The following RAP2A variants were observed in gnomAD, a reference collection of about 807,000 sequenced individuals.
RAP2A encodes the protein ras-related protein Rap-2a.
Under a neutral mutation model 15.1 loss-of-function variants are expected in RAP2A, and 5 were observed. That is an observed-to-expected ratio of 0.33 (90% CI 0.17 to 0.70). RAP2A has a LOEUF of 0.70. Among genes scored for constraint, RAP2A ranks in the 30% least tolerant of loss-of-function variants. RAP2A has a pLI of 0.68. For synonymous variants in RAP2A, 110 were observed against 99.7 expected (o/e 1.10, Z -0.62); for missense variants, 111 against 240.3 (o/e 0.46, Z 3.56).
chr13:97,456,170 A>G (rs951747502), intron 1 of RAP2A, among the ~76,000 whole-genome samples: 5 of 152,064 alleles, frequency 3.3e-5, no homozygotes, highest in African/African-American at 1.2e-4. Context: ...CTCACGCTCA[A>G]AGGGCCCCCT....
At chr13:97,451,936 T>C (rs929517429) in intron 1 of RAP2A, among the ~76,000 whole-genome samples, 1 of 151,392 alleles carries the variant, frequency 6.6e-6, no homozygotes, top group African/African-American at 2.4e-5. Context: ...GTATTTTCTT[T>C]GGAGAAATAC....
rs1037354888 is a variant in RAP2A, at chr13:97,462,049, T to G, written c.315-2156T>G. Reference sequence around the variant, plus strand: ...TTATATATTTATATATATTTATATATATATTTATATATATATTTATATATT... The same window carrying G: ...TTATATATTTATATATATTTATATAGATATTTATATATATATTTATATATT... On this transcript the variant is annotated intron_variant, in intron 1 of 1. Transcript: ENST00000245304. Among the ~76,000 whole-genome samples the G allele has an allele frequency of 1.9e-4, 28 of 145,626 alleles. No homozygotes were observed. The South Asian group carries it at 2.1e-3, about 11-fold the overall frequency.
At position 97,464,256 on chromosome 13, in the gene RAP2A, T is replaced by A; in HGVS notation, c.366T>A (p.Ser122Arg). ...TTGGGAACAAAGTGGACCTGGAAAGTGAGAGAGAAGTATCGTCCAGCGAAG... is the reference window on the plus strand; with the variant it reads ...TTGGGAACAAAGTGGACCTGGAAAGAGAGAGAGAAGTATCGTCCAGCGAAG... Reference protein sequence around the residue: ...ILVGNKVDLESEREVSSSEGR... With the variant: ...ILVGNKVDLEREREVSSSEGR... The change falls in exon 2 of 2, where the codon AGT becomes AGA. Residue 122 changes from serine to arginine, a missense_variant. By Grantham distance (110) the Ser-to-Arg change is moderately radical. Around this residue, in one of 3 missense-constraint regions of RAP2A, gnomAD observed 74 missense variants for 132.3 expected, o/e 0.56. Coordinates refer to ENST00000245304, the MANE Select transcript of RAP2A (RefSeq NM_021033.7). 5 of 1,614,112 alleles carry A rather than the reference T, an allele frequency of 3.1e-6. No individual in the cohort carries two copies. The highest frequency in any genetic ancestry group is 1.1e-5 in the South Asian group (1 of 91,082).
intron 1 of RAP2A, among the ~76,000 whole-genome samples, chr13:97,442,962 T>C (rs2066664307): frequency 6.6e-6 from 1 of 152,216 alleles, no homozygotes; most frequent in South Asian, 2.1e-4. Flanking sequence ...TGAGAATGTA[T>C]TTCTCATGTA....
chr13:97,464,731 G>C lies in RAP2A; in HGVS notation c.*289G>C, dbSNP rs996583328. On this transcript the variant is annotated 3_prime_UTR_variant, in exon 2 of 2. Coordinates refer to ENST00000245304, the MANE Select transcript of RAP2A (RefSeq NM_021033.7). ...ATTTGAAAGCTATGATGGCATTGTCGCTGAGTTGACAGAAGCAACTATTGT... is the reference window on the plus strand; with the variant it reads ...ATTTGAAAGCTATGATGGCATTGTCCCTGAGTTGACAGAAGCAACTATTGT... 2.7e-6 allele frequency: 1 copy of C among 365,750 alleles called. No homozygotes were observed. Among genetic ancestry groups the C allele is most frequent in the African/African-American group, 2.0e-5 (1 of 49,006 alleles). The allele number at this position is 365,750 out of a possible 1,614,324, so 22.7% of individuals were successfully genotyped here.
intron 1 of RAP2A, among the ~76,000 whole-genome samples, chr13:97,445,456 A>AT (rs1195861659): frequency 5.3e-5 from 8 of 152,210 alleles, no homozygotes; most frequent in East Asian, 3.8e-4. Flanking sequence ...TTTTTAGTTT[A>AT]TTTTTTATGA....
In RAP2A at chr13:97,434,327, G is replaced by T. The variant is rs1374025754; in HGVS notation, c.-144G>T. 1 of 547,664 alleles carries T rather than the reference G, an allele frequency of 1.8e-6. No individual in the cohort carries two copies. The highest frequency in any genetic ancestry group is 2.3e-6 in the Non-Finnish European group (1 of 433,816). The allele number at this position is 547,664 out of a possible 1,614,324, so 33.9% of individuals were successfully genotyped here. On this transcript the variant is annotated 5_prime_UTR_variant, in exon 1 of 2. Transcript: ENST00000245304. ...CTCAGTTGCCGCCGCCGCCGCCGGC[G>T]CCCAGGGGGCCGCCGCGGCTGTGAG...
chr13:97,452,576 T>C (rs1034862974), intron 1 of RAP2A, among the ~76,000 whole-genome samples: 1 of 151,204 alleles, frequency 6.6e-6, no homozygotes, highest in African/African-American at 2.4e-5. Context: ...TCAGATTTGC[T>C]TTGGCTCTTC....
chr13:97,467,416 GT>G lies in RAP2A; in HGVS notation c.*2975del. On this transcript the variant is annotated 3_prime_UTR_variant, in exon 2 of 2. Coordinates refer to ENST00000245304, the MANE Select transcript of RAP2A (RefSeq NM_021033.7). The stretch of plus-strand genomic sequence containing the variant: ...TTGCTACAGTTGCCATCACCTTTCT[GT>G]GGTAATACTACTGATATTTGCTTTT... 6.6e-6 allele frequency: 1 copy of G among 152,564 alleles called. No homozygotes were observed. Among genetic ancestry groups the G allele is most frequent in the Non-Finnish European group, 1.5e-5 (1 of 68,022 alleles). The allele number at this position is 152,564 out of a possible 1,614,324, so 9.5% of individuals were successfully genotyped here.
intron 1 of RAP2A, 64 bp downstream of exon 1, chr13:97,434,848 TC>T: frequency 6.3e-7 from 1 of 1,581,696 alleles, no homozygotes. Flanking sequence ...GGGCTGGAAC[TC>T]CCCGCGCGGG....
chr13:97,459,413 AAGTC>A (rs1225481298), intron 1 of RAP2A, among the ~76,000 whole-genome samples: 1 of 152,204 alleles, frequency 6.6e-6, no homozygotes, highest in Admixed American at 6.5e-5. Context: ...TCAGCCCTCT[AAGTC>A]AGTCTGTCAT....
In RAP2A at chr13:97,465,802, A is replaced by C. The variant is rs1221401400; in HGVS notation, c.*1360A>C. On this transcript the variant is annotated 3_prime_UTR_variant, in exon 2 of 2. Coordinates refer to ENST00000245304, the MANE Select transcript of RAP2A (RefSeq NM_021033.7). ...GGAAAAACCTATTCATAAGTTTTAC[A>C]ATCAAGTATAGAGGGGTCTTCAGCT... 6.6e-6 allele frequency: 1 copy of C among 152,240 alleles called. No homozygotes were observed. Among genetic ancestry groups the C allele is most frequent in the Non-Finnish European group, 1.5e-5 (1 of 68,052 alleles). The allele number at this position is 152,240 out of a possible 1,614,324, so 9.4% of individuals were successfully genotyped here. A position where few individuals can be genotyped will look rare whatever the true frequency, so the allele number is the denominator to read the frequency against.
Position 97,465,135 on chromosome 13 carries a change from C to T in RAP2A, c.*693C>T, listed in dbSNP as rs368177533. On this transcript the variant is annotated 3_prime_UTR_variant, in exon 2 of 2. Transcript: ENST00000245304. ...GCTTTAGAATTTGTTAATTCACCTG[C>T]TTTGCCACAGAAAATGGAGGCTTTC... 2 of 152,230 alleles carry T rather than the reference C, an allele frequency of 1.3e-5. No homozygotes were observed. The highest frequency in any genetic ancestry group is 4.8e-5 in the African/African-American group (2 of 41,440). The allele number at this position is 152,230 out of a possible 1,614,324, so 9.4% of individuals were successfully genotyped here.
chr13:97,459,072 C>T (rs956306291), intron 1 of RAP2A, among the ~76,000 whole-genome samples: 2 of 152,172 alleles, frequency 1.3e-5, no homozygotes, highest in African/African-American at 2.4e-5. Context: ...CTGCATCAGT[C>T]ACCGTCTGAG....
intron 1 of RAP2A, among the ~76,000 whole-genome samples, chr13:97,446,880 G>C (rs968666226): frequency 6.6e-6 from 1 of 152,188 alleles, no homozygotes; most frequent in African/African-American, 2.4e-5. Context: ...CTGCCCAACT[G>C]AGTTCTGCCC....
At chr13:97,461,185 A>G (rs1181156192) in intron 1 of RAP2A, among the ~76,000 whole-genome samples, 1 of 152,184 alleles carries the variant, frequency 6.6e-6, no homozygotes. Context: ...AAATGATCTC[A>G]TTGGCAGAAC....
intron 1 of RAP2A, among the ~76,000 whole-genome samples, chr13:97,460,410 T>C (rs1426706979): frequency 1.3e-5 from 2 of 152,322 alleles, no homozygotes; most frequent in East Asian, 3.9e-4. Context: ...TCCAGCTCAT[T>C]TTATACTTCA....
At chr13:97,461,958 G>A (rs998439057) in intron 1 of RAP2A, among the ~76,000 whole-genome samples, 3 of 134,616 alleles carry the variant, frequency 2.2e-5, no homozygotes, top group Non-Finnish European at 4.6e-5. Context: ...GCGAGACTCC[G>A]TCTCAAAAAA....
rs1234141432 is a variant in RAP2A at position 97,467,056 on chromosome 13, A to ATCT, written c.*2614_*2615insTCT. The ATCT allele has an allele frequency of 6.6e-6, 1 of 152,670 alleles. No homozygotes were observed. The highest frequency in any genetic ancestry group is 1.5e-5 in the Non-Finnish European group (1 of 68,040). 9.5% of individuals were successfully genotyped at this position (152,670 alleles called of 1,614,324 possible). A position where few individuals can be genotyped will look rare whatever the true frequency, so the allele number is the denominator to read the frequency against. On this transcript the variant is annotated 3_prime_UTR_variant, in exon 2 of 2. Coordinates refer to ENST00000245304, the MANE Select transcript of RAP2A (RefSeq NM_021033.7). ...TATGCCCTGATCAGACTAGCAACTTAGATAAGTGAAAGTTTTTCTAACATG... is the reference window on the plus strand; with the variant it reads ...TATGCCCTGATCAGACTAGCAACTTATCTGATAAGTGAAAGTTTTTCTAACATG...
Sources: gnomAD v4.1 joint callset for allele counts (sites outside exome capture counted in the v4.1 genomes callset) on GRCh38, gnomAD v4.1.1 for gene constraint, gnomAD v4.1.1 regional missense constraint, MANE v1.5 for transcripts, NCBI Gene and HGNC (gene_info 2026-07-23, HGNC 2026-07-21) for gene names.